Variants in SLC15A5 observed in about 807,000 individuals in gnomAD.
The protein encoded by SLC15A5 is Peptide/histidine transporter ENSP00000340402.
A neutral mutation model predicts 56.1 loss-of-function variants in SLC15A5; 58 were observed. That is an observed-to-expected ratio of 1.03 (90% CI 0.84 to 1.29). The LOEUF (loss-of-function observed/expected upper bound fraction) is 1.29. Among genes scored for constraint, SLC15A5 ranks in the 50% most tolerant of loss-of-function variants. SLC15A5 has a pLI of 0.00. For synonymous variants in SLC15A5, 264 were observed against 250.5 expected (o/e 1.05, Z -0.51); for missense variants, 681 against 672.1 (o/e 1.01, Z -0.15).
In SLC15A5 at chr12:16,244,681, C is replaced by T; in HGVS notation, c.874G>A (p.Gly292Ser). The T allele has an allele frequency of 6.5e-7, 1 of 1,537,552 alleles. No homozygotes were observed. Among genetic ancestry groups the T allele is most frequent in the Non-Finnish European group, 8.7e-7 (1 of 1,147,008 alleles). Residue 292 changes from glycine to serine, a missense_variant, in exon 4 of 9, where the codon GGT becomes AGT. By Grantham distance (56) the Gly-to-Ser change is moderately conservative. Transcript: ENST00000344941. ...ACATGGAGCTCACTGTAGCAGCCACCATTTTTTTCTTTGGCATGGTCTAAC... is the reference window on the plus strand; with the variant it reads ...ACATGGAGCTCACTGTAGCAGCCACTATTTTTTTCTTTGGCATGGTCTAAC... ...SQLDHAKEKN[G>S]GCYSELHVED...
In SLC15A5 at chr12:16,196,188, A is replaced by G. The variant is rs1863892997; in HGVS notation, c.1484-1735T>C. On this transcript the variant is annotated intron_variant, in intron 7 of 8. Transcript: ENST00000344941. The surrounding 1 kb of genome is among the most constrained non-coding windows in gnomAD (Gnocchi z 4.0). ...ATGATAGGTATAAATAAGTATTACT[A>G]TACCTATTTTGTGGTTCCACTTTAC... 6.6e-6 allele frequency among the ~76,000 whole-genome samples: 1 copy of G among 152,092 alleles called. No individual in the cohort carries two copies. Among genetic ancestry groups the G allele is most frequent in the African/African-American group, 2.4e-5 (1 of 41,430 alleles).
intron 5 of SLC15A5, among the ~76,000 whole-genome samples, chr12:16,227,107 AAGG>A (rs1366934466): frequency 4.6e-5 from 7 of 152,168 alleles, no homozygotes; most frequent in Non-Finnish European, 1.0e-4. Flanking sequence ...AGGTGTAAAA[AAGG>A]AGGAAACCTC....
At chr12:16,226,305 A>C (rs111744065) in intron 5 of SLC15A5, among the ~76,000 whole-genome samples, 8 of 152,310 alleles carry the variant, frequency 5.3e-5, no homozygotes, top group Admixed American at 2.0e-4. Flanking sequence ...ATACAGATGC[A>C]ACCAACTACT....
chr12:16,277,191 C>T (rs932526749), intron 1 of SLC15A5, 134 bp downstream of exon 1: 46 of 865,562 alleles, frequency 5.3e-5, no homozygotes, highest in Non-Finnish European at 7.2e-5. Flanking sequence ...GAATGAAATA[C>T]ATTGAACCCA....
chr12:16,194,398 G>A lies in SLC15A5; in HGVS notation c.1539C>T (p.Phe513=), dbSNP rs1863874379. Residue 513 remains phenylalanine (F), a synonymous_variant, in exon 8 of 9, where the codon TTC becomes TTT. Coordinates refer to ENST00000344941, the MANE Select transcript of SLC15A5 (RefSeq NM_001170798.1). The part of the protein sequence containing the change: ...NKGNLESFFF[F]LASLTLLNVL... Reference sequence around the variant, plus strand: ...CGTTCAACAATGTTAATGATGCCAGGAAGAAGAAGAAGCTTTCTAAATTGC... The same window carrying A: ...CGTTCAACAATGTTAATGATGCCAGAAAGAAGAAGAAGCTTTCTAAATTGC... 3 of 1,532,740 alleles carry A rather than the reference G, an allele frequency of 2.0e-6. No individual in the cohort carries two copies. The African/African-American group carries it at 4.1e-5, about 21-fold the overall frequency. The allele number at this position is 1,532,740 out of a possible 1,614,324, so 94.9% of individuals were successfully genotyped here.
intron 3 of SLC15A5, among the ~76,000 whole-genome samples, chr12:16,251,094 G>A (rs1472345834): frequency 6.6e-6 from 1 of 151,852 alleles, no homozygotes; most frequent in East Asian, 1.9e-4. Flanking sequence ...TAACAAATTG[G>A]ACAAAGAAGA....
chr12:16,202,124 G>A (rs1863964460), intron 7 of SLC15A5, among the ~76,000 whole-genome samples: 1 of 152,114 alleles, frequency 6.6e-6, no homozygotes, highest in South Asian at 2.1e-4. Flanking sequence ...AGACTAAAAT[G>A]TTTCTGCACA....
intron 2 of SLC15A5, 126 bp downstream of exon 2, chr12:16,272,435 A>AT (rs1392540233): frequency 1.2e-6 from 1 of 865,266 alleles, no homozygotes; most frequent in Non-Finnish European, 1.8e-6. Context: ...ATCATCACAG[A>AT]TTCATCACAT....
intron 7 of SLC15A5, among the ~76,000 whole-genome samples, chr12:16,214,174 A>T (rs943779514): frequency 1.3e-5 from 2 of 152,246 alleles, no homozygotes; most frequent in African/African-American, 2.4e-5. Flanking sequence ...GCAATAATGC[A>T]TGTAAAAGCT....
chr12:16,194,352 A>T lies in SLC15A5; in HGVS notation c.1585T>A (p.Ser529Thr), dbSNP rs1379287727. 3.9e-6 allele frequency: 6 copies of T among 1,529,900 alleles called. No individual in the cohort carries two copies. Among genetic ancestry groups the T allele is most frequent in the Non-Finnish European group, 5.3e-6 (6 of 1,141,264 alleles). 94.8% of individuals were successfully genotyped at this position (1,529,900 alleles called of 1,614,324 possible). ...LLNVLGFCSVSQRYCNLNHFN... is the reference protein window; with the variant it reads ...LLNVLGFCSVTQRYCNLNHFN... ...TACCACACACTTACTTACCTTTGTG[A>T]AACACTGCAGAATCCCAGGACGTTC... Residue 529 changes from serine (S) to threonine (T), a missense_variant, in exon 8 of 9, where the codon TCA becomes ACA. Ser to Thr is a moderately conservative substitution (Grantham distance 58). Coordinates refer to ENST00000344941, the MANE Select transcript of SLC15A5 (RefSeq NM_001170798.1).
intron 7 of SLC15A5, among the ~76,000 whole-genome samples, chr12:16,198,718 G>GT (rs1438578380): frequency 6.6e-6 from 1 of 152,114 alleles, no homozygotes; most frequent in Non-Finnish European, 1.5e-5. Context: ...TCAACCTACT[G>GT]TGAGATTCTT....
chr12:16,244,832 A>G (rs928701579), intron 3 of SLC15A5, 32 bp from the exon 4 acceptor site: 10 of 1,516,302 alleles, frequency 6.6e-6, no homozygotes, highest in Middle Eastern at 1.7e-4. Flanking sequence ...ATGTATTAGT[A>G]TAGGAATTGT....
chr12:16,196,936 G>A lies in SLC15A5; in HGVS notation c.1484-2483C>T, dbSNP rs150857794. Among the ~76,000 whole-genome samples, 1 of 152,170 alleles carries A rather than the reference G, an allele frequency of 6.6e-6. No individual in the cohort carries two copies. The highest frequency in any genetic ancestry group is 2.4e-5 in the African/African-American group (1 of 41,530). ...CCAGAGCACTCTCATCACTGGGGAT[G>A]CTGTGGAAAACAGAAATGACAAGTA... On this transcript the variant is annotated intron_variant, in intron 7 of 8. Transcript: ENST00000344941. The surrounding 1 kb of genome is among the most constrained non-coding windows in gnomAD (Gnocchi z 4.0).
chr12:16,263,291 C>G (rs1864660481), intron 2 of SLC15A5, among the ~76,000 whole-genome samples: 1 of 152,152 alleles, frequency 6.6e-6, no homozygotes, highest in Non-Finnish European at 1.5e-5. Flanking sequence ...TTAGCAGAGA[C>G]TGGCACCATT....
chr12:16,244,044 C>T (rs1447110581), intron 4 of SLC15A5, among the ~76,000 whole-genome samples: 1 of 152,100 alleles, frequency 6.6e-6, no homozygotes, highest in Non-Finnish European at 1.5e-5. Flanking sequence ...GTACTTTGGG[C>T]TTTGTATTTT....
rs532669800 is a variant in SLC15A5, at chr12:16,277,405, G to A, written c.281C>T (p.Pro94Leu). 1.1e-4 allele frequency: 166 copies of A among 1,536,402 alleles called. 1 individual carries two copies. Among genetic ancestry groups the A allele is most frequent in the Non-Finnish European group, 2.3e-5 (26 of 1,146,390 alleles). ...ATCAGTGAGCCATCTGACAAACACAGGGGTAAGTATTGAAGTTCCAATAAA... is the reference window on the plus strand; with the variant it reads ...ATCAGTGAGCCATCTGACAAACACAAGGGTAAGTATTGAAGTTCCAATAAA... The part of the protein sequence containing the change: ...LCFIGTSILT[P>L]VFVRWLTDVY... Residue 94 changes from proline to leucine, a missense_variant, in exon 1 of 9, where the codon CCT becomes CTT. Pro to Leu is a moderately conservative substitution (Grantham distance 98). Transcript: ENST00000344941.
intron 3 of SLC15A5, 60 bp downstream of exon 3, chr12:16,257,641 G>A: frequency 8.1e-7 from 1 of 1,234,680 alleles, no homozygotes; most frequent in Non-Finnish European, 1.0e-6. Flanking sequence ...CAAAGAGAAA[G>A]GATATCTGTC....
In SLC15A5 at chr12:16,196,675, G is replaced by A. The variant is rs191587961; in HGVS notation, c.1484-2222C>T. Among the ~76,000 whole-genome samples, 5 of 152,144 alleles carry A rather than the reference G, an allele frequency of 3.3e-5. No homozygotes were observed. The East Asian group carries it at 7.7e-4, about 24-fold the overall frequency. On this transcript the variant is annotated intron_variant, in intron 7 of 8. Coordinates refer to ENST00000344941, the MANE Select transcript of SLC15A5 (RefSeq NM_001170798.1). This position sits in a 1 kb window ranked among gnomAD's most constrained non-coding sequence, Gnocchi z 4.0. Reference sequence around the variant, plus strand: ...CATGTTTCTCTGACTAGTGTAAGAGGAGTTTGCACAGAGTATGTGAAGCTT... The same window carrying A: ...CATGTTTCTCTGACTAGTGTAAGAGAAGTTTGCACAGAGTATGTGAAGCTT...
intron 2 of SLC15A5, among the ~76,000 whole-genome samples, chr12:16,266,936 A>G (rs1864703173): frequency 6.6e-6 from 1 of 152,238 alleles, no homozygotes; most frequent in African/African-American, 2.4e-5. Flanking sequence ...ATGGTATTGA[A>G]TACAAATGAG....
Sources: allele counts gnomAD v4.1 joint callset (sites outside exome capture counted in the v4.1 genomes callset), GRCh38; gene constraint gnomAD v4.1.1; non-coding constraint Gnocchi (gnomAD v3.1); transcripts MANE v1.5; gene names NCBI Gene and HGNC (gene_info 2026-07-23, HGNC 2026-07-21).